Variants in CHST9 observed in about 807,000 individuals in gnomAD.
CHST9 encodes GalNAc-4-sulfotransferase 2.
Under a neutral mutation model 44.4 loss-of-function variants are expected in CHST9, and 41 were observed. That is an observed-to-expected ratio of 0.92 (90% CI 0.72 to 1.20). The LOEUF (loss-of-function observed/expected upper bound fraction) is 1.20. Ranked by LOEUF, CHST9 falls within the 50% of genes most tolerant of loss-of-function variation. The pLI is 0.00. For missense variants in CHST9, 504 were observed against 516.5 expected, an observed-to-expected ratio of 0.98 and a Z score of 0.23; for synonymous variants, 171 against 178.4, an observed-to-expected ratio of 0.96 and a Z score of 0.33.
At chr18:27,157,656 A>G (rs2143915681) in intron 1 of CHST9, among the ~76,000 whole-genome samples, 1 of 152,296 alleles carries the variant, frequency 6.6e-6, no homozygotes, top group African/African-American at 2.4e-5. Flanking sequence ...CACACCAAAC[A>G]GTGCTCACAT....
At chr18:27,063,525 A>C (rs1247882464) in intron 2 of CHST9, among the ~76,000 whole-genome samples, 1 of 152,224 alleles carries the variant, frequency 6.6e-6, no homozygotes, top group African/African-American at 2.4e-5. Flanking sequence ...GAAGTAAATA[A>C]AGTGGGATGG....
intron 2 of CHST9, among the ~76,000 whole-genome samples, chr18:27,106,840 C>T (rs1043381524): frequency 6.6e-6 from 1 of 152,144 alleles, no homozygotes; most frequent in Non-Finnish European, 1.5e-5. Flanking sequence ...ACCCTATTTC[C>T]ATAAAATAAC....
chr18:27,048,591 C>T, intron 2 of CHST9, 88 bp from the exon 3 acceptor site: 14 of 1,058,004 alleles, frequency 1.3e-5, no homozygotes, highest in Non-Finnish European at 2.0e-5. Context: ...CAGCAATTTC[C>T]AAACACAACC....
chr18:26,970,625 A>T (rs941097617), intron 4 of CHST9, among the ~76,000 whole-genome samples: 18 of 152,114 alleles, frequency 1.2e-4, no homozygotes, highest in Admixed American at 2.6e-4. Flanking sequence ...ATGGGGTTTC[A>T]CCATGTTGCC....
At chr18:26,973,651 T>A (rs2145175856) in intron 4 of CHST9, among the ~76,000 whole-genome samples, 2 of 152,350 alleles carry the variant, frequency 1.3e-5, no homozygotes, top group East Asian at 3.9e-4. Context: ...AAGATAATAC[T>A]TTTTCTTCCA....
At chr18:27,042,188 A>G (rs1292812539) in intron 3 of CHST9, among the ~76,000 whole-genome samples, 1 of 152,088 alleles carries the variant, frequency 6.6e-6, no homozygotes, top group Admixed American at 6.6e-5. Context: ...TTTTTTCAGC[A>G]ATTCCTTGGG....
Position 27,143,405 on chromosome 18 carries a change from CAGAGGCATAAA to C in CHST9, c.-96-511_-96-501del, listed in dbSNP as rs1159851552. ...TTTAAAGAGCACATTTAAAATCCTT[CAGAGGCATAAA>C]AAGATAAATAATAAAAGGTCAGGGT... On this transcript the variant is annotated intron_variant, in intron 1 of 5. Coordinates refer to ENST00000618847, the MANE Select transcript of CHST9 (RefSeq NM_031422.6). 1.3e-5 allele frequency among the ~76,000 whole-genome samples: 2 copies of C among 152,054 alleles called. 1 individual carries two copies. The highest frequency in any genetic ancestry group is 1.3e-4 in the Admixed American group (2 of 15,262).
At chr18:27,060,187 A>C (rs1291781974) in intron 2 of CHST9, among the ~76,000 whole-genome samples, 1 of 152,176 alleles carries the variant, frequency 6.6e-6, no homozygotes, top group Non-Finnish European at 1.5e-5. Context: ...AAAAGTAAAC[A>C]AGAAATTCAC....
chr18:26,931,772 A>G (rs1456893395), intron 5 of CHST9, among the ~76,000 whole-genome samples: 1 of 152,228 alleles, frequency 6.6e-6, no homozygotes, highest in Non-Finnish European at 1.5e-5. Flanking sequence ...AGGGCTTCAC[A>G]TGCACCAGAT....
chr18:27,129,355 GTTTATTTTTATTTTTTATTTTT>G (rs1342683470), intron 2 of CHST9, among the ~76,000 whole-genome samples: 2 of 151,628 alleles, frequency 1.3e-5, no homozygotes, highest in African/African-American at 4.8e-5. Flanking sequence ...TAATTGCTTG[GTTTATTTTTATTTTTTATTTTT>G]TTTATTTTTA....
At chr18:27,038,050 T>G (rs1182387614) in intron 3 of CHST9, among the ~76,000 whole-genome samples, 4 of 152,186 alleles carry the variant, frequency 2.6e-5, no homozygotes, top group Non-Finnish European at 5.9e-5. Flanking sequence ...ACACATATGT[T>G]GGGAAGTGTT....
At chr18:27,003,976 T>C (rs1345287794) in intron 4 of CHST9, among the ~76,000 whole-genome samples, 2 of 151,954 alleles carry the variant, frequency 1.3e-5, no homozygotes, top group African/African-American at 4.8e-5. Flanking sequence ...CCATCACGTT[T>C]AGGTAAAACA....
At chr18:27,106,513 C>A (rs1443463672) in intron 2 of CHST9, among the ~76,000 whole-genome samples, 2 of 152,132 alleles carry the variant, frequency 1.3e-5, no homozygotes, top group East Asian at 3.8e-4. Flanking sequence ...TTGCACATGA[C>A]CTTTGGAAAA....
Position 27,036,914 on chromosome 18 carries a change from G to A in CHST9, c.160+11551C>T, listed in dbSNP as rs187938061. ...AACTTATCAGGGGCTGCAGGGAGGA[G>A]GAAGTGGGGAGTTGCTAAACAGCTG... On this transcript the variant is annotated intron_variant, in intron 3 of 5. Transcript: ENST00000618847. Among the ~76,000 whole-genome samples, 361 of 152,262 alleles carry A rather than the reference G, an allele frequency of 2.4e-3. 1 individual carries two copies. The highest frequency in any genetic ancestry group is 3.4e-3 in the Middle Eastern group (1 of 294).
intron 2 of CHST9, among the ~76,000 whole-genome samples, chr18:27,081,739 A>T (rs1006615411): frequency 3.3e-5 from 5 of 152,206 alleles, no homozygotes; most frequent in African/African-American, 1.2e-4. Context: ...AAGGTCCTGG[A>T]ATGAAAAAAA....
In CHST9 at chr18:27,173,560, TAATA is replaced by T. The variant is rs139907979; in HGVS notation, c.-97+11572_-97+11575del. Among the ~76,000 whole-genome samples the T allele has an allele frequency of 9.0e-3, 1,368 of 152,186 alleles. 15 individuals are homozygous for T. The highest frequency in any genetic ancestry group is 0.032 in the African/African-American group (1,315 of 41,560). ...GAAAAATGAAAAAAATTATTTTATC[TAATA>T]CATACTGATATTATCATATTATGTA... On this transcript the variant is annotated intron_variant, in intron 1 of 5. Transcript: ENST00000618847.
At chr18:26,979,612 T>A (rs2056666892) in intron 4 of CHST9, among the ~76,000 whole-genome samples, 1 of 152,118 alleles carries the variant, frequency 6.6e-6, no homozygotes, top group African/African-American at 2.4e-5. Flanking sequence ...AATCCATCTC[T>A]CTTCTTCTTC....
chr18:27,021,240 C>T (rs957056243), intron 4 of CHST9, among the ~76,000 whole-genome samples: 2 of 152,058 alleles, frequency 1.3e-5, no homozygotes, highest in African/African-American at 2.4e-5. Context: ...TGAGCAGTAG[C>T]GTCAGGGCTG....
chr18:27,130,375 C>G (rs1342483301), intron 2 of CHST9, among the ~76,000 whole-genome samples: 1 of 152,140 alleles, frequency 6.6e-6, no homozygotes, highest in African/African-American at 2.4e-5. Context: ...GTAAGAAACA[C>G]TGAGAGCAGA....
Sources: allele counts gnomAD v4.1 joint callset (sites outside exome capture counted in the v4.1 genomes callset), GRCh38; gene constraint gnomAD v4.1.1; transcripts MANE v1.5; gene names NCBI Gene and HGNC (gene_info 2026-07-23, HGNC 2026-07-21).